C2CD2L: variants seen among roughly 807,000 people sequenced by gnomAD.
C2CD2L encodes the protein C2CD2 like.
Under a neutral mutation model 69.9 loss-of-function variants are expected in C2CD2L, and 24 were observed. That is an observed-to-expected ratio of 0.34 (90% CI 0.25 to 0.48). The LOEUF (loss-of-function observed/expected upper bound fraction) is 0.48, where lower values mean the gene tolerates loss of function less well. C2CD2L is among the 20% of genes least tolerant of loss of function. C2CD2L has a pLI of 0.99. For missense variants in C2CD2L, 811 were observed against 941.5 expected (o/e 0.86, Z 1.81); for synonymous variants, 367 against 391.0 (o/e 0.94, Z 0.72).
At chr11:119,115,872 G>A (rs1946872890) in intron 13 of C2CD2L, 173 bp from the exon 14 acceptor site, 1 of 593,794 alleles carries the variant, frequency 1.7e-6, no homozygotes, top group Non-Finnish European at 3.0e-6. Context: ...TTTTTTTCAC[G>A]AAGCCTTATG....
Position 119,116,337 on chromosome 11 carries a change from C to T in C2CD2L, c.*81C>T, listed in dbSNP as rs1433327977. ...CATACCCCTTCCTGGATCTCCAGTG[C>T]CTGGGCCAGGAAAGCCCTCTGGGTT... is the stretch of plus-strand genomic sequence containing the variant. On this transcript the variant is annotated 3_prime_UTR_variant, in exon 14 of 14. Transcript: ENST00000648610. 7.5e-6 allele frequency: 9 copies of T among 1,204,334 alleles called. No homozygotes were observed. The highest frequency in any genetic ancestry group is 1.3e-5 in the South Asian group (1 of 77,468). The allele number at this position is 1,204,334 out of a possible 1,614,324, so 74.6% of individuals were successfully genotyped here.
In C2CD2L at chr11:119,109,038, C is replaced by T. The variant is rs138613907; in HGVS notation, c.354+943C>T. Among the ~76,000 whole-genome samples the T allele has an allele frequency of 5.1e-4, 78 of 152,350 alleles. No homozygotes were observed. The East Asian group carries it at 8.1e-3, about 16-fold the overall frequency. On this transcript the variant is annotated intron_variant, in intron 1 of 13. Coordinates refer to ENST00000648610, the MANE Select transcript of C2CD2L (RefSeq NM_001290474.2). This position sits in a 1 kb window ranked among gnomAD's most constrained non-coding sequence, Gnocchi z 5.1. ...TCTGTCAGTTTACACCTTGAACCCA[C>T]CTCTTCATCCAACTCTCCCTGTACC...
At chr11:119,104,762 C>T (rs1311494421), upstream of C2CD2L, among the ~76,000 whole-genome samples, 1 of 152,220 alleles carries the variant, frequency 6.6e-6, no homozygotes, top group Non-Finnish European at 1.5e-5. Context: ...AAGGCCAATC[C>T]ACTGAATGTG....
rs1477205603 is a variant in C2CD2L at position 119,107,855 on chromosome 11, G to C, written c.114G>C (p.Trp38Cys). The stretch of plus-strand genomic sequence containing the variant: ...TGCTGCAATATGCCCGGGGCTTGTG[G>C]CTGGCGCGGGCCCGCGGGGACCGGG... Reference protein sequence around the residue: ...AWLLQYARGLWLARARGDRGP... With the variant: ...AWLLQYARGLCLARARGDRGP... Residue 38 changes from tryptophan (W) to cysteine (C), a missense_variant, in exon 1 of 14, where the codon TGG becomes TGC. Physicochemically the swap from Trp to Cys is radical, Grantham distance 215. Transcript: ENST00000648610. The surrounding 1 kb of genome is among the most constrained non-coding windows in gnomAD (Gnocchi z 5.4). 3 of 1,526,804 alleles carry C rather than the reference G, an allele frequency of 2.0e-6. No individual in the cohort carries two copies. The highest frequency in any genetic ancestry group is 4.1e-5 in the Admixed American group (2 of 48,916). The allele number at this position is 1,526,804 out of a possible 1,614,324, so 94.6% of individuals were successfully genotyped here.
chr11:119,115,893 T>C (rs1946873697), intron 13 of C2CD2L, 152 bp from the exon 14 acceptor site: 1 of 619,724 alleles, frequency 1.6e-6, no homozygotes, highest in African/African-American at 1.8e-5. Flanking sequence ...GAGAAGTATG[T>C]TTCTGCTTTC....
Position 119,113,856 on chromosome 11 carries a change from G to A in C2CD2L, c.1491G>A (p.Arg497=). 6.2e-7 allele frequency: 1 copy of A among 1,614,036 alleles called. No homozygotes were observed. The highest frequency in any genetic ancestry group is 1.1e-5 in the South Asian group (1 of 91,090). ...GPSNTSHSSS[R]DSHLSNGLDP... ...ATTCATTCTCTGCACCCCTAGCAGG[G>A]GACAGCCACCTTTCCAACGGCTTGG... Residue 497 remains arginine (R), a splice_region_variant and synonymous_variant, in exon 12 of 14, where the codon CGG becomes CGA. Transcript: ENST00000648610.
chr11:119,108,368 CT>C, intron 1 of C2CD2L: 1 of 387,852 alleles, frequency 2.6e-6, no homozygotes, highest in Non-Finnish European at 4.6e-6. Flanking sequence ...ATCCCTGTGC[CT>C]GAGGGCACTT....
intron 10 of C2CD2L, chr11:119,113,103 C>T (rs1946794074): frequency 3.4e-6 from 2 of 584,348 alleles, no homozygotes; most frequent in African/African-American, 3.7e-5. Flanking sequence ...TCTGGATCCT[C>T]CTGCCCCTCC....
At chr11:119,113,194 T>C (rs1248298115) in intron 10 of C2CD2L, 1 of 437,986 alleles carries the variant, frequency 2.3e-6, no homozygotes, top group Non-Finnish European at 4.1e-6. Context: ...CTGACTATAA[T>C]TGTCCATCCT....
rs766083719 is a variant in C2CD2L, at chr11:119,107,911, C to T, written c.170C>T (p.Ala57Val). Residue 57 changes from alanine (A) to valine (V), a missense_variant, in exon 1 of 14, where the codon GCG (alanine) becomes GTG (valine). Transcript: ENST00000648610. The surrounding 1 kb of genome is among the most constrained non-coding windows in gnomAD (Gnocchi z 5.4). Reference protein sequence around the residue: ...GPGPALAGEPAGSLRELGVWR... With the variant: ...GPGPALAGEPVGSLRELGVWR... ...GGACCCGCCTTAGCCGGGGAACCCG[C>T]GGGTTCCCTGCGGGAGCTGGGCGTG... The T allele has an allele frequency of 1.1e-5, 17 of 1,529,520 alleles. No homozygotes were observed. In the South Asian group the frequency reaches 1.8e-4, roughly 16 times the overall value. 94.7% of individuals were successfully genotyped at this position (1,529,520 alleles called of 1,614,324 possible).
Position 119,116,351 on chromosome 11 carries a change from G to T in C2CD2L, c.*95G>T. The T allele has an allele frequency of 9.3e-7, 1 of 1,074,702 alleles. No homozygotes were observed. The highest frequency in any genetic ancestry group is 1.4e-6 in the Non-Finnish European group (1 of 725,000). The allele number at this position is 1,074,702 out of a possible 1,614,324, so 66.6% of individuals were successfully genotyped here. A position where few individuals can be genotyped will look rare whatever the true frequency, so the allele number is the denominator to read the frequency against. On this transcript the variant is annotated 3_prime_UTR_variant, in exon 14 of 14. Transcript: ENST00000648610. ...GATCTCCAGTGCCTGGGCCAGGAAAGCCCTCTGGGTTCCGGGAAGCCCCGT... is the reference window on the plus strand; with the variant it reads ...GATCTCCAGTGCCTGGGCCAGGAAATCCCTCTGGGTTCCGGGAAGCCCCGT...
chr11:119,113,826 A>C, intron 11 of C2CD2L, 29 bp from the exon 12 acceptor site: 1 of 1,612,376 alleles, frequency 6.2e-7, no homozygotes, highest in Non-Finnish European at 8.5e-7. Context: ...GGGAGAAGTC[A>C]GGTTATTCAT....
At position 119,114,376 on chromosome 11, in the gene C2CD2L, G is replaced by A. The variant is rs754536601; in HGVS notation, c.1909+11G>A. The A allele has an allele frequency of 2.5e-6, 4 of 1,612,918 alleles. No homozygotes were observed. The highest frequency in any genetic ancestry group is 2.7e-5 in the African/African-American group (2 of 74,886). On this transcript the variant is annotated intron_variant, in intron 13 of 13. Coordinates refer to ENST00000648610, the MANE Select transcript of C2CD2L (RefSeq NM_001290474.2). The surrounding 1 kb of genome is among the most constrained non-coding windows in gnomAD (Gnocchi z 5.1). ...TCAAGGATCACAAAGGTAGGGGGAC[G>A]TTGGCAGGGTGCCCCTCATCTCTTC...
intron 10 of C2CD2L, 40 bp from the exon 11 acceptor site, chr11:119,113,571 G>A (rs770961142): frequency 6.3e-6 from 10 of 1,587,496 alleles, no homozygotes; most frequent in Non-Finnish European, 8.6e-6. Flanking sequence ...GGGCCACTCT[G>A]AAGCAACTCC....
chr11:119,116,544 C>A lies in C2CD2L; in HGVS notation c.*288C>A, dbSNP rs951737634. ...CCAGAAGCATTTGCCTCCTGCTGAGCCTGGTCCCTGAGCGGAGTCCCAGGG... is the reference window on the plus strand; with the variant it reads ...CCAGAAGCATTTGCCTCCTGCTGAGACTGGTCCCTGAGCGGAGTCCCAGGG... On this transcript the variant is annotated 3_prime_UTR_variant, in exon 14 of 14. Coordinates refer to ENST00000648610, the MANE Select transcript of C2CD2L (RefSeq NM_001290474.2). 1.8e-6 allele frequency: 1 copy of A among 541,106 alleles called. No individual in the cohort carries two copies. Among genetic ancestry groups the A allele is most frequent in the Non-Finnish European group, 3.3e-6 (1 of 301,174 alleles). The allele number at this position is 541,106 out of a possible 1,614,324, so 33.5% of individuals were successfully genotyped here. A position where few individuals can be genotyped will look rare whatever the true frequency, so the allele number is the denominator to read the frequency against.
rs903729184 is a variant in C2CD2L at position 119,118,233 on chromosome 11, C to A, written c.*1977C>A. The A allele has an allele frequency of 6.6e-6, 1 of 152,062 alleles. No individual in the cohort carries two copies. Among genetic ancestry groups the A allele is most frequent in the African/African-American group, 2.4e-5 (1 of 41,398 alleles). The allele number at this position is 152,062 out of a possible 1,614,324, so 9.4% of individuals were successfully genotyped here. A position where few individuals can be genotyped will look rare whatever the true frequency, so the allele number is the denominator to read the frequency against. On this transcript the variant is annotated 3_prime_UTR_variant, in exon 14 of 14. Transcript: ENST00000648610. ...CATACCCAATAGGTAGTTTTTCAAC[C>A]CTCACCCTCCTCCCACCTTCTCACC...
At chr11:119,103,822 G>A (rs1275851590), upstream of C2CD2L, among the ~76,000 whole-genome samples, 2 of 152,200 alleles carry the variant, frequency 1.3e-5, no homozygotes, top group Non-Finnish European at 2.9e-5. Context: ...TTACTTGCTA[G>A]TATTCCACCA....
At position 119,110,716 on chromosome 11, in the gene C2CD2L, G is replaced by A. The variant is rs78758351; in HGVS notation, c.570+36G>A. The A allele has an allele frequency of 1.6e-4, 252 of 1,612,430 alleles. No individual in the cohort carries two copies. The African/African-American group carries it at 3.1e-3, about 20-fold the overall frequency. On this transcript the variant is annotated intron_variant, in intron 3 of 13. Transcript: ENST00000648610. The surrounding 1 kb of genome is among the most constrained non-coding windows in gnomAD (Gnocchi z 5.7). ...ATGTGGGAAACTGAGTTGGGCAGGGGCGGTTCCATTGGCTCAGCTTCTTCC... is the reference window on the plus strand; with the variant it reads ...ATGTGGGAAACTGAGTTGGGCAGGGACGGTTCCATTGGCTCAGCTTCTTCC...
In C2CD2L at chr11:119,107,693, G is replaced by C. The variant is rs779700319; in HGVS notation, c.-49G>C. ...GCCCGCCCGGGCCATGCTCCCCCGGGGCAGCGGGTGAGCCCCAGCCGGGAC... is the reference window on the plus strand; with the variant it reads ...GCCCGCCCGGGCCATGCTCCCCCGGCGCAGCGGGTGAGCCCCAGCCGGGAC... On this transcript the variant is annotated 5_prime_UTR_variant, in exon 1 of 14. Transcript: ENST00000648610. The surrounding 1 kb of genome is among the most constrained non-coding windows in gnomAD (Gnocchi z 5.4). The C allele has an allele frequency of 2.8e-5, 35 of 1,246,594 alleles. No individual in the cohort carries two copies. The highest frequency in any genetic ancestry group is 3.7e-5 in the Non-Finnish European group (35 of 953,880). 77.2% of individuals were successfully genotyped at this position (1,246,594 alleles called of 1,614,324 possible). A position where few individuals can be genotyped will look rare whatever the true frequency, so the allele number is the denominator to read the frequency against.
Sources: allele counts gnomAD v4.1 joint callset (sites outside exome capture counted in the v4.1 genomes callset), GRCh38; gene constraint gnomAD v4.1.1; non-coding constraint Gnocchi (gnomAD v3.1); transcripts MANE v1.5; gene names NCBI Gene and HGNC (gene_info 2026-07-23, HGNC 2026-07-21).